The following MTHFD1 variants were observed in gnomAD, a reference collection of about 807,000 sequenced individuals.
MTHFD1 encodes methylenetetrahydrofolate dehydrogenase, cyclohydrolase and formyltetrahydrofolate synthetase 1.
Under a neutral mutation model 110.3 loss-of-function variants are expected in MTHFD1, and 44 were observed. The ratio of observed to expected loss-of-function variants is 0.40; its 90% CI spans 0.31 to 0.51. The LOEUF is 0.51. Ranked by LOEUF, MTHFD1 falls within the 20% of genes least tolerant of loss-of-function variation. MTHFD1 has a pLI of 0.60. For synonymous variants in MTHFD1, 402 were observed against 428.8 expected, an observed-to-expected ratio of 0.94 and a Z score of 0.77; for missense variants, 909 against 1,173.1, an observed-to-expected ratio of 0.77 and a Z score of 3.29.
chr14:64,409,486 TA>T (rs1039279110), intron 2 of MTHFD1, among the ~76,000 whole-genome samples: 1 of 152,074 alleles, frequency 6.6e-6, no homozygotes, highest in Non-Finnish European at 1.5e-5. Flanking sequence ...AATGAAATTG[TA>T]AAAAAATAAT....
intron 24 of MTHFD1, among the ~76,000 whole-genome samples, chr14:64,449,922 G>A (rs994398319): frequency 6.6e-6 from 1 of 152,182 alleles, no homozygotes; most frequent in African/African-American, 2.4e-5. Flanking sequence ...CCAAGTAGCT[G>A]GGATTACAGG....
intron 3 of MTHFD1, 143 bp downstream of exon 3, chr14:64,411,292 T>C (rs957785508): frequency 1.4e-6 from 1 of 706,504 alleles, no homozygotes; most frequent in Non-Finnish European, 2.6e-6. Context: ...AAGTCAGAAA[T>C]GGGTGGGTTA....
Position 64,407,328 on chromosome 14 carries a change from G to A in MTHFD1, c.127-3762G>A, listed in dbSNP as rs117509813. Among the ~76,000 whole-genome samples, 1,361 of 152,036 alleles carry A rather than the reference G, an allele frequency of 9.0e-3. 10 individuals carry two copies. The highest frequency in any genetic ancestry group is 0.023 in the South Asian group (109 of 4,810). On this transcript the variant is annotated intron_variant, in intron 2 of 27. Transcript: ENST00000652337. ...AAAAATACAAAAATTAGCTGGTTGT[G>A]GTGGTGCTTGCCTGTAGTCCCCACT...
Position 64,415,350 on chromosome 14 carries a change from A to G in MTHFD1, c.241-8A>G. ...TGATATACAAATTATATATGGTATT[A>G]CTTTTAGGTGATGAAGTACATTACA... On this transcript the variant is annotated splice_polypyrimidine_tract_variant and splice_region_variant and intron_variant, in intron 4 of 27. Transcript: ENST00000652337. The G allele has an allele frequency of 6.2e-7, 1 of 1,604,384 alleles. No homozygotes were observed. Among genetic ancestry groups the G allele is most frequent in the Non-Finnish European group, 8.5e-7 (1 of 1,171,080 alleles).
At position 64,419,911 on chromosome 14, in the gene MTHFD1, T is replaced by A; in HGVS notation, c.713T>A (p.Ile238Asn). Residue 238 changes from isoleucine to asparagine, a missense_variant, in exon 8 of 28, where the codon ATC (isoleucine) becomes AAC (asparagine). By Grantham distance (149) the Ile-to-Asn change is moderately radical. Coordinates refer to ENST00000652337, the MANE Select transcript of MTHFD1 (RefSeq NM_005956.4). ...GGGGCAATAGTCATCGACTGTGGAA[T>A]CAATTATGTCCCAGGTGAGTGTTGT... ...KPGAIVIDCG[I>N]NYVPDDKKPN... is the part of the protein sequence containing the mutation. The A allele has an allele frequency of 6.2e-7, 1 of 1,612,854 alleles. No homozygotes were observed.
At chr14:64,400,676 G>A (rs2077888818) in intron 1 of MTHFD1, 117 bp from the exon 2 acceptor site, 3 of 738,364 alleles carry the variant, frequency 4.1e-6, no homozygotes, top group East Asian at 2.8e-5. Context: ...GTGACAGAGC[G>A]AGACCCTGTG....
rs747448137 is a variant in MTHFD1 at position 64,417,895 on chromosome 14, G to T, written c.486G>T (p.Pro162=). Residue 162 remains proline (P), a synonymous_variant, in exon 7 of 28, where the codon CCG becomes CCT. Coordinates refer to ENST00000652337, the MANE Select transcript of MTHFD1 (RefSeq NM_005956.4). The surrounding 1 kb of genome is among the most constrained non-coding windows in gnomAD (Gnocchi z 4.4). ...CLELIKETGV[P]IAGRHAVVVG... is the part of the protein sequence containing the mutation. ...GGCTGGCTTTTCTTTCAGGGGTGCC[G>T]ATTGCCGGAAGGCATGCTGTGGTGG... The T allele has an allele frequency of 6.2e-7, 1 of 1,612,606 alleles. No homozygotes were observed. Among genetic ancestry groups the T allele is most frequent in the Admixed American group, 1.7e-5 (1 of 60,008 alleles).
intron 22 of MTHFD1, chr14:64,447,994 C>G: frequency 1.7e-6 from 1 of 573,422 alleles, no homozygotes; most frequent in Non-Finnish European, 3.1e-6. Flanking sequence ...ACAAGCAGAG[C>G]TCTACTCTAG....
chr14:64,394,697 CTT>C lies in MTHFD1; in HGVS notation c.42-6095_42-6094del, dbSNP rs10587324. The stretch of plus-strand genomic sequence containing the variant: ...ACTTAATCTTGACTGCAATGAATGA[CTT>C]AACATTATAAGTGATCTTTGGGTTT... On this transcript the variant is annotated intron_variant, in intron 1 of 27. Coordinates refer to ENST00000652337, the MANE Select transcript of MTHFD1 (RefSeq NM_005956.4). Among the ~76,000 whole-genome samples, 547 of 152,244 alleles carry C rather than the reference CTT, an allele frequency of 3.6e-3. 1 individual carries two copies. Among genetic ancestry groups the C allele is most frequent in the African/African-American group, 0.012 (519 of 41,538 alleles).
intron 15 of MTHFD1, 147 bp downstream of exon 15, chr14:64,432,008 A>G: frequency 1.4e-6 from 1 of 718,482 alleles, no homozygotes; most frequent in Non-Finnish European, 2.4e-6. Flanking sequence ...ATACATAGCA[A>G]AGATGGATGG....
rs1566570829 is a variant in MTHFD1, at chr14:64,440,181, C to CT, written c.1732dup (p.Ser578PhefsTer18). The CT allele has an allele frequency of 6.2e-7, 1 of 1,614,140 alleles. No individual in the cohort carries two copies. Among genetic ancestry groups the CT allele is most frequent in the East Asian group, 2.2e-5 (1 of 44,886 alleles). On this transcript the variant is annotated frameshift_variant, in exon 18 of 28. Coordinates refer to ENST00000652337, the MANE Select transcript of MTHFD1 (RefSeq NM_005956.4). LOFTEE classifies it high-confidence loss of function. ...ATTATGGCTGTCCTGGCTCTCACCACTTCTCTAGAAGACATGAGAGAGAGA... is the reference window on the plus strand; with the variant it reads ...ATTATGGCTGTCCTGGCTCTCACCACTTTCTCTAGAAGACATGAGAGAGAGA...
intron 1 of MTHFD1, among the ~76,000 whole-genome samples, chr14:64,394,589 G>A (rs1043623394): frequency 6.6e-6 from 1 of 151,576 alleles, no homozygotes; most frequent in Admixed American, 6.6e-5. Flanking sequence ...GACGGGAGAC[G>A]TACTGCTTGG....
intron 1 of MTHFD1, among the ~76,000 whole-genome samples, chr14:64,396,612 C>T (rs1190317492): frequency 6.9e-6 from 1 of 145,554 alleles, no homozygotes; most frequent in Admixed American, 7.0e-5. Context: ...ACCGCTCAGG[C>T]TGTGTCAAAC....
chr14:64,451,707 AC>A (rs1312389233), intron 24 of MTHFD1, among the ~76,000 whole-genome samples: 1 of 152,230 alleles, frequency 6.6e-6, no homozygotes, highest in Non-Finnish European at 1.5e-5. Flanking sequence ...TCTACTTGCA[AC>A]TTTTATCCAT....
At chr14:64,421,900 C>T (rs2078076835) in intron 8 of MTHFD1, among the ~76,000 whole-genome samples, 1 of 152,144 alleles carries the variant, frequency 6.6e-6, no homozygotes, top group Non-Finnish European at 1.5e-5. Flanking sequence ...GCTGGGATTA[C>T]AGGCGTGAGC....
At chr14:64,437,125 A>G (rs570636479) in intron 16 of MTHFD1, among the ~76,000 whole-genome samples, 12 of 152,156 alleles carry the variant, frequency 7.9e-5, no homozygotes, top group African/African-American at 2.9e-4. Flanking sequence ...CATTTAGAGT[A>G]TGAACTGGGT....
intron 21 of MTHFD1, among the ~76,000 whole-genome samples, chr14:64,442,677 G>A (rs1200817982): frequency 1.3e-5 from 2 of 152,066 alleles, no homozygotes; most frequent in Non-Finnish European, 2.9e-5. Context: ...ACGTGTACTC[G>A]GCTAGCCCCA....
chr14:64,431,745 G>A (rs59770063), intron 14 of MTHFD1, 42 bp from the exon 15 acceptor site: 50,233 of 1,598,558 alleles, frequency 0.031, 1,477 homozygotes, highest in African/African-American at 0.16. Context: ...TAGCAAAGCA[G>A]TGGGGCTCCT....
chr14:64,449,840 G>T (rs928645480), intron 24 of MTHFD1, among the ~76,000 whole-genome samples: 1 of 152,222 alleles, frequency 6.6e-6, no homozygotes, highest in Non-Finnish European at 1.5e-5. Flanking sequence ...CCAGGCTCGA[G>T]TGCAGAGGCA....
Sources: allele counts gnomAD v4.1 joint callset (sites outside exome capture counted in the v4.1 genomes callset), GRCh38; gene constraint gnomAD v4.1.1; non-coding constraint Gnocchi (gnomAD v3.1); transcripts MANE v1.5; gene names NCBI Gene and HGNC (gene_info 2026-07-23, HGNC 2026-07-21).